WDR27: variants seen among roughly 807,000 people sequenced by gnomAD.
The protein encoded by WDR27 is WD repeat-containing protein 27.
WDR27 carries 100 observed loss-of-function variants against 114.4 expected under a neutral mutation model. The ratio of observed to expected loss-of-function variants is 0.87; its 90% CI spans 0.74 to 1.03. The LOEUF (loss-of-function observed/expected upper bound fraction) is 1.03. WDR27 is among the 50% of genes least tolerant of loss of function. The pLI is 0.00. For missense variants in WDR27, 1,129 were observed against 1,092.9 expected, an observed-to-expected ratio of 1.03 and a Z score of -0.47; for synonymous variants, 449 against 423.1, an observed-to-expected ratio of 1.06 and a Z score of -0.75.
chr6:169,444,886 G>A, the WDR27 span, among the ~76,000 whole-genome samples: 1 of 152,126 alleles, frequency 6.6e-6, no homozygotes, highest in Non-Finnish European at 1.5e-5. Flanking sequence ...AGGCTGCACA[G>A]CCCTCTGTGC....
At chr6:169,549,611 A>G (rs543243358) in intron 25 of WDR27, among the ~76,000 whole-genome samples, 1 of 152,378 alleles carries the variant, frequency 6.6e-6, no homozygotes, top group South Asian at 2.1e-4. Flanking sequence ...GCAAAATATG[A>G]AAGCTACAAA....
Position 169,500,592 on chromosome 6 carries a change from G to T in WDR27, c.2646-42958C>A, listed in dbSNP as rs73789972. ...GGAGCAGAAGTGGCAGGTAGTGCGC[G>T]TGAGTGCTGCAGGGTGGAGGAGGGG... On this transcript the variant is annotated intron_variant, in intron 25 of 25. Coordinates refer to ENST00000448612, the MANE Select transcript of WDR27 (RefSeq NM_182552.5). Among the ~76,000 whole-genome samples, 931 of 152,290 alleles carry T rather than the reference G, an allele frequency of 6.1e-3. 12 individuals are homozygous for T. Among genetic ancestry groups the T allele is most frequent in the African/African-American group, 0.022 (895 of 41,564 alleles).
At chr6:169,542,429 G>A (rs1440148933) in intron 25 of WDR27, among the ~76,000 whole-genome samples, 4 of 152,054 alleles carry the variant, frequency 2.6e-5, no homozygotes, top group South Asian at 4.1e-4. Context: ...AAAGTCAAAT[G>A]AGGAAATTTT....
chr6:169,523,901 T>C (rs1794674635), intron 25 of WDR27, among the ~76,000 whole-genome samples: 1 of 152,162 alleles, frequency 6.6e-6, no homozygotes, highest in African/African-American at 2.4e-5. Flanking sequence ...ATCTCTACTT[T>C]TACCATGTTT....
chr6:169,570,169 G>C (rs1171039898), intron 25 of WDR27, among the ~76,000 whole-genome samples: 1 of 152,174 alleles, frequency 6.6e-6, no homozygotes, highest in Non-Finnish European at 1.5e-5. Context: ...CAACACTCAT[G>C]GCCACAAGGA....
rs150919690 is a variant in WDR27 at position 169,583,463 on chromosome 6, TTGTG to T, written c.2425-533_2425-530del. Reference sequence around the variant, plus strand: ...TGTTGATAAATAAGTTCCTCTTTAATTGTGTGTGTGTGTGTGTATATATACATAT... The same window carrying T: ...TGTTGATAAATAAGTTCCTCTTTAATTGTGTGTGTGTGTATATATACATAT... On this transcript the variant is annotated intron_variant, in intron 23 of 25. Transcript: ENST00000448612. Among the ~76,000 whole-genome samples the T allele has an allele frequency of 2.3e-3, 236 of 103,564 alleles. 1 individual carries two copies. The highest frequency in any genetic ancestry group is 3.4e-3 in the Non-Finnish European group (190 of 55,106). The allele number at this position is 103,564 out of a possible 152,430, so 67.9% of individuals were successfully genotyped here. A position where few individuals can be genotyped will look rare whatever the true frequency, so the allele number is the denominator to read the frequency against.
intron 25 of WDR27, chr6:169,559,515 A>G (rs1799370691): frequency 1.3e-5 from 2 of 152,252 alleles, no homozygotes; most frequent in African/African-American, 4.8e-5. Context: ...AACAAGCATT[A>G]ATGCCACATT....
At chr6:169,591,043 C>T (rs1459310331) in intron 23 of WDR27, among the ~76,000 whole-genome samples, 1 of 152,142 alleles carries the variant, frequency 6.6e-6, no homozygotes, top group Non-Finnish European at 1.5e-5. Flanking sequence ...ACTTTTTGCT[C>T]TTTGAGGAAA....
intron 23 of WDR27, among the ~76,000 whole-genome samples, chr6:169,593,901 TTTTAA>T (rs751455972): frequency 1.3e-5 from 2 of 152,072 alleles, no homozygotes; most frequent in Non-Finnish European, 2.9e-5. Context: ...ACAACTAGTG[TTTTAA>T]TTTATTTATT....
downstream of WDR27, among the ~76,000 whole-genome samples, chr6:169,456,263 C>T (rs9478021): frequency 0.011 from 1,656 of 152,204 alleles, 27 homozygotes; most frequent in African/African-American, 0.034. This position sits in a 1 kb window ranked among gnomAD's most constrained non-coding sequence, Gnocchi z 4.0. Context: ...CATTTATGGT[C>T]GATGTGTGAA....
intron 4 of WDR27, 33 bp downstream of exon 4, chr6:169,670,536 C>T: frequency 1.9e-6 from 3 of 1,613,724 alleles, no homozygotes; most frequent in Non-Finnish European, 1.7e-6. Flanking sequence ...CAGCTAAACC[C>T]TTCCGTGAAA....
At chr6:169,650,390 C>T (rs111210909) in intron 14 of WDR27, among the ~76,000 whole-genome samples, 3,597 of 143,648 alleles carry the variant, frequency 0.025, 125 homozygotes, top group African/African-American at 0.075. Flanking sequence ...CCCACTCATC[C>T]GTCATCCCTC....
At chr6:169,685,032 G>A (rs1488217030) in intron 2 of WDR27, among the ~76,000 whole-genome samples, 1 of 152,048 alleles carries the variant, frequency 6.6e-6, no homozygotes, top group Non-Finnish European at 1.5e-5. Context: ...CTTAGTCAAG[G>A]CCATTGAGAA....
intron 21 of WDR27, among the ~76,000 whole-genome samples, chr6:169,628,397 C>T (rs1473654492): frequency 1.3e-5 from 2 of 152,150 alleles, no homozygotes; most frequent in South Asian, 2.1e-4. Context: ...CGCATCAGCC[C>T]GCCTGCAGGA....
chr6:169,649,979 T>C (rs1821865976), intron 14 of WDR27, among the ~76,000 whole-genome samples: 3 of 108,030 alleles, frequency 2.8e-5, no homozygotes, highest in African/African-American at 3.7e-5. Context: ...ACCCATGCAT[T>C]CATCTCTCAT....
chr6:169,687,424 G>A (rs1783288995), intron 2 of WDR27, among the ~76,000 whole-genome samples: 1 of 151,964 alleles, frequency 6.6e-6, no homozygotes, highest in Non-Finnish European at 1.5e-5. Context: ...AAAATGGCAA[G>A]AGATTTGAAA....
chr6:169,672,340 T>A lies in WDR27; in HGVS notation c.246A>T (p.Lys82Asn), dbSNP rs768125403. 6.2e-7 allele frequency: 1 copy of A among 1,612,936 alleles called. No homozygotes were observed. Among genetic ancestry groups the A allele is most frequent in the Non-Finnish European group, 8.5e-7 (1 of 1,179,278 alleles). The part of the protein sequence containing the change: ...QPITAMAFGN[K>N]VNPLLICSAS... ...CTGAGCAGATTAGAAGTGGGTTCAC[T>A]TTATTTCCAAAAGCCATAGCAGTAA... Residue 82 changes from lysine to asparagine, a missense_variant, in exon 3 of 26, where the codon AAA becomes AAT. By Grantham distance (94) the Lys-to-Asn change is moderately conservative. Transcript: ENST00000448612.
At chr6:169,548,724 T>A (rs924607581) in intron 25 of WDR27, among the ~76,000 whole-genome samples, 1 of 152,120 alleles carries the variant, frequency 6.6e-6, no homozygotes, top group Non-Finnish European at 1.5e-5. Context: ...TGGAACAGAA[T>A]AGAGAGCCCA....
chr6:169,436,567 C>T, the WDR27 span, among the ~76,000 whole-genome samples: 45 of 152,154 alleles, frequency 3.0e-4, no homozygotes, highest in African/African-American at 9.6e-4. Context: ...GAAATAATTA[C>T]TAGCTCTGTC....
Sources: allele counts gnomAD v4.1 joint callset (sites outside exome capture counted in the v4.1 genomes callset), GRCh38; gene constraint gnomAD v4.1.1; non-coding constraint Gnocchi (gnomAD v3.1); transcripts MANE v1.5; gene names NCBI Gene and HGNC (gene_info 2026-07-23, HGNC 2026-07-21).